ROPN1: variants seen among roughly 807,000 people sequenced by gnomAD.
The protein encoded by ROPN1 is ropporin-1A.
In ROPN1, 14 loss-of-function variants were observed where a neutral mutation model predicts 20.5. The observed-to-expected ratio is 0.68, with a 90% CI of 0.45 to 1.07. ROPN1 has a LOEUF of 1.07. Ranked by LOEUF, ROPN1 falls within the 50% of genes least tolerant of loss-of-function variation. ROPN1 has a pLI of 0.00. For synonymous variants in ROPN1, 76 were observed against 95.7 expected (o/e 0.79, Z 1.20); for missense variants, 169 against 242.8 (o/e 0.70, Z 2.02).
intron 4 of ROPN1, among the ~76,000 whole-genome samples, chr3:123,972,914 T>C (rs1482500157): frequency 1.3e-5 from 2 of 152,224 alleles, no homozygotes; most frequent in Admixed American, 1.3e-4. Context: ...AATGTATTGC[T>C]CACAGTTTTG....
intron 4 of ROPN1, among the ~76,000 whole-genome samples, chr3:123,972,416 A>T (rs2037934498): frequency 6.6e-6 from 1 of 152,214 alleles, no homozygotes; most frequent in South Asian, 2.1e-4. Context: ...TTCATTTTCA[A>T]AGTTAGAGGT....
chr3:123,976,811 C>G lies in ROPN1; in HGVS notation c.234+53G>C, dbSNP rs539383637. The stretch of plus-strand genomic sequence containing the variant: ...CAGAGGGCTTTTTGTCTGTACCCAC[C>G]CAGCCTCAACACTGTCCCTACATTC... On this transcript the variant is annotated intron_variant, in intron 3 of 5. Coordinates refer to ENST00000405845, the MANE Select transcript of ROPN1 (RefSeq NM_001317774.2). 3.7e-5 allele frequency: 58 copies of G among 1,553,254 alleles called. 2 individuals carry two copies. Among genetic ancestry groups the G allele is most frequent in the South Asian group, 3.4e-4 (29 of 84,684 alleles).
intron 1 of ROPN1, among the ~76,000 whole-genome samples, chr3:123,990,452 A>G (rs1184771130): frequency 6.6e-6 from 1 of 152,184 alleles, no homozygotes; most frequent in Non-Finnish European, 1.5e-5. Flanking sequence ...GGTCAGGTCA[A>G]ATTATCCCCC....
At chr3:123,984,801 A>C (rs545723385) in intron 1 of ROPN1, among the ~76,000 whole-genome samples, 2 of 152,078 alleles carry the variant, frequency 1.3e-5, no homozygotes, top group African/African-American at 2.4e-5. Context: ...CACTGTTAAC[A>C]GTAATCTATC....
chr3:123,981,210 C>CT (rs1327692182), intron 1 of ROPN1, among the ~76,000 whole-genome samples: 1 of 152,154 alleles, frequency 6.6e-6, no homozygotes, highest in Non-Finnish European at 1.5e-5. Context: ...ACTAGATATG[C>CT]TAAAAAGCTG....
intron 4 of ROPN1, among the ~76,000 whole-genome samples, chr3:123,973,631 T>C (rs1388561071): frequency 4.6e-5 from 7 of 152,158 alleles, no homozygotes; most frequent in Admixed American, 3.3e-4. Context: ...GAATCTGACT[T>C]TCCAAAGTCA....
chr3:123,977,241 T>C (rs2038044347), intron 2 of ROPN1, among the ~76,000 whole-genome samples: 1 of 152,254 alleles, frequency 6.6e-6, no homozygotes, highest in African/African-American at 2.4e-5. Context: ...CAAGAAAAGT[T>C]TGGGTATGCA....
intron 1 of ROPN1, among the ~76,000 whole-genome samples, chr3:123,986,904 T>G (rs1329218143): frequency 6.6e-6 from 1 of 152,224 alleles, no homozygotes; most frequent in Admixed American, 6.5e-5. Flanking sequence ...GAGACTGCCC[T>G]GTAAGCAGGC....
chr3:123,970,355 G>C, intron 4 of ROPN1, 138 bp from the exon 5 acceptor site: 1 of 722,226 alleles, frequency 1.4e-6, no homozygotes, highest in Non-Finnish European at 2.2e-6. Flanking sequence ...TAGAAAGCTT[G>C]AAATTTTTAC....
intron 2 of ROPN1, chr3:123,979,783 C>T (rs1305629058): frequency 5.8e-6 from 2 of 347,480 alleles, no homozygotes; most frequent in Non-Finnish European, 1.1e-5. Context: ...TTCAGAGAAA[C>T]ACTAAAGAAA....
chr3:123,984,352 A>T (rs750961120), intron 1 of ROPN1, among the ~76,000 whole-genome samples: 4 of 152,090 alleles, frequency 2.6e-5, no homozygotes, highest in Non-Finnish European at 5.9e-5. Context: ...ACATGATACC[A>T]CTAATCTCTC....
intron 4 of ROPN1, among the ~76,000 whole-genome samples, chr3:123,972,663 C>T: frequency 6.6e-6 from 1 of 152,142 alleles, no homozygotes; most frequent in East Asian, 1.9e-4. Context: ...AGTAAATGTA[C>T]CTATTACCTA....
chr3:123,976,933 C>T lies in ROPN1; in HGVS notation c.165G>A (p.Arg55=), dbSNP rs1559823055. The T allele has an allele frequency of 1.2e-6, 2 of 1,614,158 alleles. No individual in the cohort carries two copies. Among genetic ancestry groups the T allele is most frequent in the Admixed American group, 1.7e-5 (1 of 60,018 alleles). The change falls in exon 3 of 6, where the codon CGG becomes CGA. Residue 55 remains arginine (R), a synonymous_variant. Transcript: ENST00000405845. ...GGTTACACAAAGCGACTCGCTCAGA[C>T]CGCTCTCTCACCGGAGGCGTCTCTC... ...SRGETPPVRE[R]SERVALCNRA...
chr3:123,983,730 A>G (rs2038197922), intron 1 of ROPN1, among the ~76,000 whole-genome samples: 2 of 151,882 alleles, frequency 1.3e-5, no homozygotes, highest in Non-Finnish European at 2.9e-5. Flanking sequence ...GTTATCAATT[A>G]TATCTATTAA....
intron 2 of ROPN1, chr3:123,978,886 C>T (rs1009638429): frequency 4.6e-5 from 7 of 153,694 alleles, no homozygotes; most frequent in African/African-American, 1.7e-4. Context: ...AATACGAGAG[C>T]AAGCAGTCTA....
At chr3:123,981,922 C>T (rs1181310268) in intron 1 of ROPN1, among the ~76,000 whole-genome samples, 2 of 152,032 alleles carry the variant, frequency 1.3e-5, no homozygotes, top group African/African-American at 4.8e-5. Flanking sequence ...AAACAAAACC[C>T]TTCATCAGTC....
At position 123,976,906 on chromosome 3, in the gene ROPN1, C is replaced by T. The variant is rs781205443; in HGVS notation, c.192G>A (p.Arg64=). ...ERSERVALCN[R]AELTPELLKI... ...TTAACAGCTCAGGTGTTAGCTCTGC[C>T]CGGTTACACAAAGCGACTCGCTCAG... Residue 64 remains arginine, a synonymous_variant, in exon 3 of 6, where the codon CGG becomes CGA. Coordinates refer to ENST00000405845, the MANE Select transcript of ROPN1 (RefSeq NM_001317774.2). 5 of 1,614,076 alleles carry T rather than the reference C, an allele frequency of 3.1e-6. No individual in the cohort carries two copies. The highest frequency in any genetic ancestry group is 3.4e-6 in the Non-Finnish European group (4 of 1,179,990).
rs543467162 is a variant in ROPN1, at chr3:123,987,478, C to T, written c.-13+4444G>A. Among the ~76,000 whole-genome samples the T allele has an allele frequency of 7.2e-5, 11 of 152,354 alleles. 1 individual carries two copies. The South Asian group carries it at 2.3e-3, about 32-fold the overall frequency. On this transcript the variant is annotated intron_variant, in intron 1 of 5. Coordinates refer to ENST00000405845, the MANE Select transcript of ROPN1 (RefSeq NM_001317774.2). ...CACTTGTCTGCGTCTAGTTGGCCAT[C>T]TTGCCCTCCAATAAAATTTCTTAAC...
intron 2 of ROPN1, chr3:123,980,122 G>A (rs1184810348): frequency 1.8e-6 from 1 of 567,378 alleles, no homozygotes; most frequent in Non-Finnish European, 3.1e-6. Flanking sequence ...CCAGGACACG[G>A]CCTATTGACC....
Sources: gnomAD v4.1 joint callset for allele counts (sites outside exome capture counted in the v4.1 genomes callset) on GRCh38, gnomAD v4.1.1 for gene constraint, MANE v1.5 for transcripts, NCBI Gene and HGNC (gene_info 2026-07-23, HGNC 2026-07-21) for gene names.